The following LRCH3 variants were observed in gnomAD, a reference collection of about 807,000 sequenced individuals.
LRCH3 encodes the protein leucine rich repeats and calponin homology domain containing 3, also known as DISP complex protein LRCH3.
In LRCH3, 68 loss-of-function variants were observed where a neutral mutation model predicts 104.5. The ratio of observed to expected loss-of-function variants is 0.65; its 90% confidence interval spans 0.54 to 0.80. The LOEUF is 0.80. Among genes scored for constraint, LRCH3 ranks in the 30% least tolerant of loss-of-function variants. The pLI, the probability that LRCH3 is intolerant of heterozygous loss-of-function variation, is 0.00. For synonymous variants in LRCH3, 344 were observed against 361.3 expected (o/e 0.95, Z 0.54); for missense variants, 951 against 953.9 (o/e 1.00, Z 0.04).
At chr3:197,848,545 C>G (rs934321046) in intron 12 of LRCH3, 1 of 152,452 alleles carries the variant, frequency 6.6e-6, no homozygotes, top group African/African-American at 2.4e-5. Context: ...TTTTATTTTA[C>G]CTGTATTGCT....
At chr3:197,805,367 C>T (rs1010233288) in intron 1 of LRCH3, among the ~76,000 whole-genome samples, 17 of 152,298 alleles carry the variant, frequency 1.1e-4, no homozygotes, top group African/African-American at 4.1e-4. Context: ...ACAGAAAAAT[C>T]AAGGAGGCTT....
intron 1 of LRCH3, among the ~76,000 whole-genome samples, chr3:197,795,178 T>G (rs114716410): frequency 6.6e-5 from 10 of 152,054 alleles, no homozygotes; most frequent in African/African-American, 2.4e-4. Context: ...AAAGCTATTT[T>G]AGGCAGTGGT....
intron 1 of LRCH3, among the ~76,000 whole-genome samples, chr3:197,800,125 G>A (rs1178387883): frequency 1.3e-5 from 2 of 151,768 alleles, no homozygotes; most frequent in African/African-American, 4.8e-5. Flanking sequence ...GGTGGTGGAG[G>A]TTGCAATGAG....
At chr3:197,865,542 A>C (rs1741385119) in intron 16 of LRCH3, 71 bp downstream of exon 16, 1 of 1,028,058 alleles carries the variant, frequency 9.7e-7, no homozygotes, top group Admixed American at 3.5e-5. Context: ...AAAAAATAAT[A>C]ATAAATAGAG....
At chr3:197,849,267 CAAAAAAAAA>C (rs35823428) in intron 12 of LRCH3, among the ~76,000 whole-genome samples, 2 of 35,316 alleles carry the variant, frequency 5.7e-5, no homozygotes, top group African/African-American at 9.1e-5. Flanking sequence ...GACTCCACCT[CAAAAAAAAA>C]AAAAAAAAAA....
At chr3:197,870,358 C>T in intron 18 of LRCH3, 80 bp downstream of exon 18, 3 of 1,329,318 alleles carry the variant, frequency 2.3e-6, no homozygotes, top group Admixed American at 4.1e-5. Flanking sequence ...CTTCATTTGA[C>T]ACATCATTTT....
At chr3:197,825,464 ATTTTTTTTTTTTTTTTTT>A (rs58237989) in intron 4 of LRCH3, among the ~76,000 whole-genome samples, 30 of 20,072 alleles carry the variant, frequency 1.5e-3, no homozygotes, top group East Asian at 2.8e-3. Flanking sequence ...ATCCTCTTTG[ATTTTTTTTTTTTTTTTTT>A]TTTTTTTTTT....
chr3:197,824,953 A>T (rs143948769), intron 4 of LRCH3, among the ~76,000 whole-genome samples: 144 of 152,336 alleles, frequency 9.5e-4, no homozygotes, highest in Middle Eastern at 3.4e-3. Context: ...GTTTTGCTGG[A>T]GGACATCTCC....
intron 5 of LRCH3, among the ~76,000 whole-genome samples, chr3:197,827,473 G>A (rs144718801): frequency 1.3e-3 from 196 of 152,298 alleles, no homozygotes; most frequent in African/African-American, 4.2e-3. Context: ...TGGAAGCATC[G>A]CATGGACTTT....
At chr3:197,855,879 C>T (rs1231768062) in intron 14 of LRCH3, among the ~76,000 whole-genome samples, 1 of 152,186 alleles carries the variant, frequency 6.6e-6, no homozygotes, top group African/African-American at 2.4e-5. Context: ...AGTGTCCAAC[C>T]AACACTGTGC....
At chr3:197,840,475 A>G (rs1447116451) in intron 10 of LRCH3, among the ~76,000 whole-genome samples, 1 of 152,170 alleles carries the variant, frequency 6.6e-6, no homozygotes, top group African/African-American at 2.4e-5. Context: ...CAAAAAAAGA[A>G]TATTTTGAAA....
chr3:197,838,442 TAGATGCTATTTCTTGG>T (rs1198148076), intron 9 of LRCH3, among the ~76,000 whole-genome samples: 3 of 141,134 alleles, frequency 2.1e-5, no homozygotes, highest in East Asian at 4.0e-4. Context: ...TTCTTGGAGG[TAGATGCTATTTCTTGG>T]AAGTAGATGG....
chr3:197,837,899 A>T (rs899432639), intron 9 of LRCH3, among the ~76,000 whole-genome samples: 9 of 44,472 alleles, frequency 2.0e-4, no homozygotes, highest in Non-Finnish European at 4.5e-4. Context: ...ATATATATTA[A>T]AAAAAAAAAA....
chr3:197,857,118 C>T (rs762965527), intron 14 of LRCH3, among the ~76,000 whole-genome samples: 1 of 150,068 alleles, frequency 6.7e-6, no homozygotes, highest in Non-Finnish European at 1.5e-5. Flanking sequence ...CTTTGGGCTA[C>T]CCCTCAAGCT....
intron 19 of LRCH3, 168 bp downstream of exon 19, chr3:197,871,630 A>G (rs1220348001): frequency 2.6e-6 from 2 of 778,490 alleles, no homozygotes; most frequent in Non-Finnish European, 4.0e-6. Context: ...ACATGTATAC[A>G]GCTACTTACA....
chr3:197,852,544 G>A lies in LRCH3; in HGVS notation c.1531-17G>A. The A allele has an allele frequency of 3.1e-6, 5 of 1,612,822 alleles. No homozygotes were observed. Among genetic ancestry groups the A allele is most frequent in the South Asian group, 2.2e-5 (2 of 90,884 alleles). ...TCTAACCAACTTCCTTTTTTGGGGG[G>A]TTTTGGGATTATACAGCAAAAAGCA... is the stretch of plus-strand genomic sequence containing the variant. On this transcript the variant is annotated splice_polypyrimidine_tract_variant and intron_variant, in intron 12 of 20. Transcript: ENST00000425562.
At chr3:197,834,749 G>A (rs1160473585) in intron 8 of LRCH3, among the ~76,000 whole-genome samples, 4 of 152,210 alleles carry the variant, frequency 2.6e-5, no homozygotes, top group African/African-American at 7.2e-5. Context: ...AAATGGTAGA[G>A]GTCTCTATTT....
At position 197,886,913 on chromosome 3, in the gene LRCH3, C is replaced by T. The variant is rs1457605178; in HGVS notation, c.*3247C>T. On this transcript the variant is annotated 3_prime_UTR_variant, in exon 21 of 21. Coordinates refer to ENST00000425562, the MANE Select transcript of LRCH3 (RefSeq NM_001365715.1). ...CTTGCAACATTTGCAACTAATTTTC[C>T]CATAGGGATAAATGGAAATTTCAAC... 2 of 151,916 alleles carry T rather than the reference C, an allele frequency of 1.3e-5. No individual in the cohort carries two copies. The highest frequency in any genetic ancestry group is 1.5e-5 in the Non-Finnish European group (1 of 68,002). The allele number at this position is 151,916 out of a possible 1,614,324, so 9.4% of individuals were successfully genotyped here. A position where few individuals can be genotyped will look rare whatever the true frequency, so the allele number is the denominator to read the frequency against.
chr3:197,821,621 C>A (rs1734500387), intron 4 of LRCH3, among the ~76,000 whole-genome samples: 1 of 152,200 alleles, frequency 6.6e-6, no homozygotes, highest in Non-Finnish European at 1.5e-5. Flanking sequence ...AAGGTATTTT[C>A]ATGACAGTGC....
Sources: gnomAD v4.1 joint callset for allele counts (sites outside exome capture counted in the v4.1 genomes callset) on GRCh38, gnomAD v4.1.1 for gene constraint, MANE v1.5 for transcripts, NCBI Gene and HGNC (gene_info 2026-07-23, HGNC 2026-07-21) for gene names.